DYNC1I1: variants seen among roughly 807,000 people sequenced by gnomAD.
The protein encoded by DYNC1I1 is cytoplasmic dynein 1 intermediate chain 1.
In DYNC1I1, 43 loss-of-function variants were observed where a neutral mutation model predicts 86.6. The observed-to-expected ratio is 0.50, with a 90% CI of 0.39 to 0.64. The LOEUF is 0.64. Ranked by LOEUF, DYNC1I1 falls within the 30% of genes least tolerant of loss-of-function variation. The probability of loss-of-function intolerance (pLI) is 0.00; values close to 1 mark genes in which losing one functional copy is unlikely to be tolerated. For synonymous variants in DYNC1I1, 262 were observed against 283.7 expected, an observed-to-expected ratio of 0.92 and a Z score of 0.77; for missense variants, 604 against 788.8, an observed-to-expected ratio of 0.77 and a Z score of 2.81.
At chr7:95,798,100 A>C (rs1013484274) in intron 1 of DYNC1I1, among the ~76,000 whole-genome samples, 1 of 152,202 alleles carries the variant, frequency 6.6e-6, no homozygotes, top group Non-Finnish European at 1.5e-5. Flanking sequence ...AAAAACATAA[A>C]CTAAAGCTCT....
chr7:96,089,938 A>G (rs894807979), intron 16 of DYNC1I1, among the ~76,000 whole-genome samples: 10 of 152,188 alleles, frequency 6.6e-5, no homozygotes, highest in Non-Finnish European at 1.2e-4. Context: ...AGTAGCTAAT[A>G]TGACAGTTGA....
chr7:95,850,434 A>G (rs1195385420), intron 5 of DYNC1I1, among the ~76,000 whole-genome samples: 2 of 152,138 alleles, frequency 1.3e-5, no homozygotes, highest in Non-Finnish European at 2.9e-5. Context: ...AATTTTGCCA[A>G]CTGCTCTTTT....
intron 5 of DYNC1I1, among the ~76,000 whole-genome samples, chr7:95,851,434 T>A (rs1789576081): frequency 6.6e-6 from 1 of 152,168 alleles, no homozygotes; most frequent in Admixed American, 6.5e-5. Flanking sequence ...TGGAATTTTG[T>A]GTTTAATATT....
chr7:95,805,236 A>G (rs963619395), intron 2 of DYNC1I1, among the ~76,000 whole-genome samples: 5 of 152,178 alleles, frequency 3.3e-5, no homozygotes, highest in African/African-American at 7.2e-5. Flanking sequence ...TATAGTTAGT[A>G]TATTCTAACT....
intron 6 of DYNC1I1, among the ~76,000 whole-genome samples, chr7:95,976,732 A>G (rs1584217865): frequency 6.6e-6 from 1 of 152,138 alleles, no homozygotes; most frequent in Admixed American, 6.5e-5. Flanking sequence ...TTTTCTTGTG[A>G]CACCTTGACA....
chr7:95,862,658 T>TA (rs1380694726), intron 5 of DYNC1I1, among the ~76,000 whole-genome samples: 1 of 152,154 alleles, frequency 6.6e-6, no homozygotes, highest in Non-Finnish European at 1.5e-5. Context: ...CTCAAAAAGT[T>TA]AAATATATAA....
chr7:95,810,576 T>A (rs1424968286), intron 3 of DYNC1I1, 70 bp downstream of exon 3: 5 of 1,246,204 alleles, frequency 4.0e-6, no homozygotes, highest in Non-Finnish European at 5.5e-6. Context: ...GTCCAGTGTT[T>A]ACTATTCTTT....
At chr7:95,773,399 T>G (rs1793758710) in intron 1 of DYNC1I1, among the ~76,000 whole-genome samples, 2 of 152,180 alleles carry the variant, frequency 1.3e-5, no homozygotes, top group Admixed American at 1.3e-4. Context: ...CTGGCTCTCC[T>G]TCCCCCGCTC....
intron 5 of DYNC1I1, among the ~76,000 whole-genome samples, chr7:95,843,992 T>A (rs1055413880): frequency 6.6e-6 from 1 of 152,228 alleles, no homozygotes; most frequent in African/African-American, 2.4e-5. Flanking sequence ...AGGGAGGGAT[T>A]ATGTTTAAAA....
At chr7:95,823,109 C>T (rs1795116860) in intron 4 of DYNC1I1, among the ~76,000 whole-genome samples, 1 of 152,122 alleles carries the variant, frequency 6.6e-6, no homozygotes, top group Non-Finnish European at 1.5e-5. Flanking sequence ...TTATTGTTCT[C>T]ACAACAAATT....
intron 13 of DYNC1I1, among the ~76,000 whole-genome samples, chr7:96,037,860 A>G (rs1386473953): frequency 2.0e-5 from 3 of 152,164 alleles, no homozygotes; most frequent in East Asian, 3.8e-4. Flanking sequence ...GTAACGTAGC[A>G]GGCATTGGCT....
At chr7:96,046,379 C>T (rs1309977925) in intron 14 of DYNC1I1, among the ~76,000 whole-genome samples, 3 of 152,060 alleles carry the variant, frequency 2.0e-5, no homozygotes, top group Non-Finnish European at 2.9e-5. Context: ...CAACATTTAT[C>T]GAGGTCATAC....
intron 1 of DYNC1I1, among the ~76,000 whole-genome samples, chr7:95,798,075 A>T (rs925534634): frequency 6.6e-6 from 1 of 152,208 alleles, no homozygotes; most frequent in African/African-American, 2.4e-5. Flanking sequence ...ATTAATGTTA[A>T]TAGATAACCT....
intron 6 of DYNC1I1, among the ~76,000 whole-genome samples, chr7:95,965,496 G>A (rs1460461899): frequency 1.3e-5 from 2 of 152,158 alleles, no homozygotes; most frequent in Non-Finnish European, 2.9e-5. Flanking sequence ...TGTTTTAAAT[G>A]TATAAAGTGT....
intron 6 of DYNC1I1, among the ~76,000 whole-genome samples, chr7:95,903,132 G>T (rs1279362547): frequency 6.6e-6 from 1 of 152,050 alleles, no homozygotes; most frequent in Non-Finnish European, 1.5e-5. Flanking sequence ...AGTATTTTTT[G>T]CTATCTTTAC....
At position 95,876,943 on chromosome 7, in the gene DYNC1I1, A is replaced by C. The variant is rs150024093; in HGVS notation, c.490+6945A>C. ...GCAGTCCTAATAGCATATAGCAAGT[A>C]AAAAAAAGAAAAAAAGAAAAACATT... On this transcript the variant is annotated intron_variant, in intron 6 of 16. Transcript: ENST00000447467. Among the ~76,000 whole-genome samples, 966 of 152,198 alleles carry C rather than the reference A, an allele frequency of 6.3e-3. 21 individuals are homozygous for C. The highest frequency in any genetic ancestry group is 0.027 in the East Asian group (142 of 5,176).
At chr7:95,943,415 G>A (rs958259503) in intron 6 of DYNC1I1, among the ~76,000 whole-genome samples, 4 of 151,726 alleles carry the variant, frequency 2.6e-5, no homozygotes, top group African/African-American at 4.8e-5. Context: ...TCATGGGTAG[G>A]AGGAATCAAT....
At chr7:96,101,567 T>A (rs1260843625), downstream of DYNC1I1, among the ~76,000 whole-genome samples, 3 of 152,164 alleles carry the variant, frequency 2.0e-5, no homozygotes, top group African/African-American at 7.2e-5. Context: ...GGGTACATTA[T>A]CTGGGTTCAC....
At chr7:95,945,868 G>C (rs926688674) in intron 6 of DYNC1I1, among the ~76,000 whole-genome samples, 13 of 152,002 alleles carry the variant, frequency 8.6e-5, no homozygotes, top group African/African-American at 2.7e-4. Flanking sequence ...GTTCATTGCA[G>C]CACTATTTAC....
Sources: gnomAD v4.1 joint callset for allele counts (sites outside exome capture counted in the v4.1 genomes callset) on GRCh38, gnomAD v4.1.1 for gene constraint, MANE v1.5 for transcripts, NCBI Gene and HGNC (gene_info 2026-07-23, HGNC 2026-07-21) for gene names.